The following MAN1C1 variants were observed in gnomAD, a reference collection of about 807,000 sequenced individuals.
The protein encoded by MAN1C1 is mannosidase alpha class 1C member 1, also known as mannosyl-oligosaccharide 1,2-alpha-mannosidase IC.
Under a neutral mutation model 71.5 loss-of-function variants are expected in MAN1C1, and 49 were observed. That is an observed-to-expected ratio of 0.69 (90% CI 0.54 to 0.87). MAN1C1 has a LOEUF of 0.87. Among genes scored for constraint, MAN1C1 ranks in the 40% least tolerant of loss-of-function variants. The pLI is 0.00. For missense variants in MAN1C1, 743 were observed against 835.0 expected, an observed-to-expected ratio of 0.89 and a Z score of 1.36; for synonymous variants, 352 against 343.7, an observed-to-expected ratio of 1.02 and a Z score of -0.27.
intron 2 of MAN1C1, among the ~76,000 whole-genome samples, chr1:25,710,595 C>G (rs2046600654): frequency 6.6e-6 from 1 of 152,132 alleles, no homozygotes; most frequent in African/African-American, 2.4e-5. Context: ...GGAAAGGCTA[C>G]TATGGTTTGA....
rs1295508330 is a variant in MAN1C1, at chr1:25,617,783, A to G, written c.-15A>G. 3.2e-6 allele frequency: 5 copies of G among 1,575,374 alleles called. No homozygotes were observed. The highest frequency in any genetic ancestry group is 4.3e-6 in the Non-Finnish European group (5 of 1,165,038). On this transcript the variant is annotated 5_prime_UTR_variant, in exon 1 of 12. Coordinates refer to ENST00000374332, the MANE Select transcript of MAN1C1 (RefSeq NM_020379.4). The surrounding 1 kb of genome is among the most constrained non-coding windows in gnomAD (Gnocchi z 5.1). Reference sequence around the variant, plus strand: ...CTGGACTCCGAGGGCTTCTGGAGCCACCGGCCGGGCCACGATGCTCATGAG... The same window carrying G: ...CTGGACTCCGAGGGCTTCTGGAGCCGCCGGCCGGGCCACGATGCTCATGAG...
chr1:25,647,360 G>T (rs907822596), intron 1 of MAN1C1, among the ~76,000 whole-genome samples: 8 of 152,158 alleles, frequency 5.3e-5, no homozygotes, highest in African/African-American at 1.9e-4. Context: ...CAAGGTGTTT[G>T]ACCCTAGGGC....
chr1:25,637,741 G>T (rs2045482941), intron 1 of MAN1C1, among the ~76,000 whole-genome samples: 1 of 151,812 alleles, frequency 6.6e-6, no homozygotes, highest in Non-Finnish European at 1.5e-5. Flanking sequence ...TATTAGATAT[G>T]TACACATTTA....
intron 5 of MAN1C1, among the ~76,000 whole-genome samples, chr1:25,757,885 C>T (rs902322138): frequency 6.6e-6 from 1 of 152,264 alleles, no homozygotes; most frequent in African/African-American, 2.4e-5. Flanking sequence ...AGGCAGGGGA[C>T]ATCACTGTCC....
intron 2 of MAN1C1, among the ~76,000 whole-genome samples, chr1:25,699,803 G>A (rs575757070): frequency 5.3e-5 from 8 of 152,296 alleles, no homozygotes; most frequent in African/African-American, 1.7e-4. Flanking sequence ...GCCCCATGCC[G>A]GCCCCACAGC....
Position 25,722,412 on chromosome 1 carries a change from C to T in MAN1C1, c.638-24256C>T, listed in dbSNP as rs373145300. On this transcript the variant is annotated intron_variant, in intron 2 of 11. Coordinates refer to ENST00000374332, the MANE Select transcript of MAN1C1 (RefSeq NM_020379.4). ...AATTCCTACATTTTTTAGTTAGATC[C>T]CTGAGCTGGTCCTCCAATTTATCTT... Among the ~76,000 whole-genome samples the T allele has an allele frequency of 3.1e-4, 47 of 152,240 alleles. 1 individual carries two copies. Among genetic ancestry groups the T allele is most frequent in the African/African-American group, 1.1e-3 (47 of 41,538 alleles).
intron 8 of MAN1C1, chr1:25,777,542 T>C (rs1196697618): frequency 1.3e-5 from 2 of 152,234 alleles, no homozygotes; most frequent in Admixed American, 6.5e-5. Context: ...CATTTGTCTG[T>C]GTAGGGCGCG....
intron 2 of MAN1C1, among the ~76,000 whole-genome samples, chr1:25,737,291 A>G (rs7531461): frequency 0.072 from 10,926 of 152,316 alleles, 524 homozygotes; most frequent in African/African-American, 0.13. Context: ...CATTGGCTGC[A>G]GTAATCATTC....
At chr1:25,741,499 C>G (rs549076864) in intron 2 of MAN1C1, among the ~76,000 whole-genome samples, 31 of 152,274 alleles carry the variant, frequency 2.0e-4, no homozygotes, top group African/African-American at 5.1e-4. Context: ...CCGTGACACC[C>G]GGAGACCAGC....
At chr1:25,687,419 G>A (rs2046247394) in intron 2 of MAN1C1, among the ~76,000 whole-genome samples, 1 of 152,182 alleles carries the variant, frequency 6.6e-6, no homozygotes, top group Non-Finnish European at 1.5e-5. Flanking sequence ...CCCCTTGTCT[G>A]CAGCCTGGCC....
chr1:25,776,994 G>A lies in MAN1C1; in HGVS notation c.1258-1111G>A, dbSNP rs1469026205. Among the ~76,000 whole-genome samples, 3 of 152,198 alleles carry A rather than the reference G, an allele frequency of 2.0e-5. No individual in the cohort carries two copies. Among genetic ancestry groups the A allele is most frequent in the Admixed American group, 6.5e-5 (1 of 15,272 alleles). On this transcript the variant is annotated intron_variant, in intron 8 of 11. Transcript: ENST00000374332. This position sits in a 1 kb window ranked among gnomAD's most constrained non-coding sequence, Gnocchi z 4.3. ...AACCTGCCCAGTGTCACACAGCGTG[G>A]AACTGGTGGAGATGAAATTTGAACC...
intron 1 of MAN1C1, among the ~76,000 whole-genome samples, chr1:25,680,789 G>A (rs1350188588): frequency 6.6e-6 from 1 of 152,130 alleles, no homozygotes; most frequent in Non-Finnish European, 1.5e-5. Flanking sequence ...CCAAGTTTTT[G>A]TGTGGCTGTA....
intron 1 of MAN1C1, among the ~76,000 whole-genome samples, chr1:25,665,265 A>G (rs1277793550): frequency 6.6e-6 from 1 of 152,196 alleles, no homozygotes; most frequent in Non-Finnish European, 1.5e-5. Flanking sequence ...AGACACACGT[A>G]CACATGTCTC....
chr1:25,623,952 A>G (rs1160808584), intron 1 of MAN1C1, among the ~76,000 whole-genome samples: 1 of 152,198 alleles, frequency 6.6e-6, no homozygotes, highest in African/African-American at 2.4e-5. Flanking sequence ...AAGTGTCATG[A>G]GTCAAGGATT....
At chr1:25,756,394 A>T (rs1201503106) in intron 5 of MAN1C1, among the ~76,000 whole-genome samples, 1 of 152,118 alleles carries the variant, frequency 6.6e-6, no homozygotes, top group Non-Finnish European at 1.5e-5. Context: ...GGGCATCTCC[A>T]CCACAGGAAG....
intron 8 of MAN1C1, among the ~76,000 whole-genome samples, chr1:25,774,273 G>C (rs535400434): frequency 5.9e-5 from 9 of 152,310 alleles, no homozygotes; most frequent in African/African-American, 2.2e-4. Context: ...GTCACGGCAG[G>C]AGACAAAGAA....
At chr1:25,679,965 A>G (rs2046127438) in intron 1 of MAN1C1, among the ~76,000 whole-genome samples, 1 of 143,282 alleles carries the variant, frequency 7.0e-6, no homozygotes, top group Non-Finnish European at 1.5e-5. Context: ...ATATATATAT[A>G]TATATATATA....
At chr1:25,630,643 T>TTTTTA (rs982102459) in intron 1 of MAN1C1, among the ~76,000 whole-genome samples, 2 of 152,134 alleles carry the variant, frequency 1.3e-5, no homozygotes, top group African/African-American at 4.8e-5. Flanking sequence ...ATTCCTAAGT[T>TTTTTA]TTTTATTTTA....
chr1:25,719,843 GC>G (rs1279711168), intron 2 of MAN1C1, among the ~76,000 whole-genome samples: 1 of 152,114 alleles, frequency 6.6e-6, no homozygotes, highest in Non-Finnish European at 1.5e-5. Flanking sequence ...GAATAGAGTG[GC>G]GCAATCCTGG....
Sources: allele counts gnomAD v4.1 joint callset (sites outside exome capture counted in the v4.1 genomes callset), GRCh38; gene constraint gnomAD v4.1.1; non-coding constraint Gnocchi (gnomAD v3.1); transcripts MANE v1.5; gene names NCBI Gene and HGNC (gene_info 2026-07-23, HGNC 2026-07-21).